MARCHF1: variants seen among roughly 807,000 people sequenced by gnomAD.
MARCHF1 encodes membrane associated ring-CH-type finger 1.
A neutral mutation model predicts 54.2 loss-of-function variants in MARCHF1; 40 were observed. The observed-to-expected ratio is 0.74, with a 90% CI of 0.57 to 0.96. The LOEUF (loss-of-function observed/expected upper bound fraction) is 0.96, where lower values mean the gene tolerates loss of function less well. Ranked by LOEUF, MARCHF1 falls within the 40% of genes least tolerant of loss-of-function variation. The probability of loss-of-function intolerance (pLI) is 0.00; values close to 1 mark genes in which losing one functional copy is unlikely to be tolerated. For missense variants in MARCHF1, 586 were observed against 656.5 expected (o/e 0.89, Z 1.17); for synonymous variants, 236 against 236.3 (o/e 1.00, Z 0.01).
At chr4:164,008,110 C>T (rs926343060) in intron 2 of MARCHF1, among the ~76,000 whole-genome samples, 4 of 152,116 alleles carry the variant, frequency 2.6e-5, no homozygotes, top group South Asian at 2.1e-4. Flanking sequence ...TATAAAGATG[C>T]ATATAGGCTG....
chr4:164,186,140 G>A (rs1036097350), intron 1 of MARCHF1, among the ~76,000 whole-genome samples: 4 of 152,234 alleles, frequency 2.6e-5, no homozygotes, highest in African/African-American at 7.2e-5. Context: ...TGATCTGCCC[G>A]CCTCAGCCTC....
At chr4:164,105,919 GA>G (rs1196668707) in intron 2 of MARCHF1, among the ~76,000 whole-genome samples, 2 of 146,812 alleles carry the variant, frequency 1.4e-5, no homozygotes, top group Admixed American at 6.8e-5. Context: ...AAATTTACAA[GA>G]AAAAAACAAA....
At chr4:164,278,985 T>C (rs1040412048) in intron 1 of MARCHF1, among the ~76,000 whole-genome samples, 4 of 152,128 alleles carry the variant, frequency 2.6e-5, no homozygotes, top group African/African-American at 9.7e-5. Context: ...AATTTATTAG[T>C]TAGGCTCATT....
intron 2 of MARCHF1, among the ~76,000 whole-genome samples, chr4:164,084,403 G>T (rs1202018321): frequency 1.3e-5 from 2 of 151,766 alleles, no homozygotes; most frequent in Admixed American, 6.6e-5. Context: ...TGTTTTAAAT[G>T]AGGTATATTT....
At chr4:164,020,616 C>T (rs1212895776) in intron 2 of MARCHF1, among the ~76,000 whole-genome samples, 1 of 152,176 alleles carries the variant, frequency 6.6e-6, no homozygotes, top group Non-Finnish European at 1.5e-5. Flanking sequence ...GAGTGAAATA[C>T]CTGGACGTTC....
Position 163,545,644 on chromosome 4 carries a change from C to T in MARCHF1, c.1291G>A (p.Val431Ile). ...AITCVVWSLY[V>I]LIDRTAEEIK... The stretch of plus-strand genomic sequence containing the variant: ...TCCTCCGCTGTCCGGTCTATCAATA[C>T]ATACAAAGACCAAACCACACAGGTG... The change falls in exon 9 of 10, where the codon GTA (valine) becomes ATA (isoleucine). Residue 431 changes from valine to isoleucine, a missense_variant. By Grantham distance (29) the Val-to-Ile change is conservative. This residue lies in a region of MARCHF1 where 93 missense variants were observed against 168.2 expected (regional missense o/e 0.55). Coordinates refer to ENST00000514618, the MANE Select transcript of MARCHF1 (RefSeq NM_001394959.1). The T allele has an allele frequency of 6.2e-7, 1 of 1,613,976 alleles. No homozygotes were observed. The highest frequency in any genetic ancestry group is 8.5e-7 in the Non-Finnish European group (1 of 1,179,922).
intron 3 of MARCHF1, among the ~76,000 whole-genome samples, chr4:163,984,238 G>GA (rs1312023173): frequency 2.0e-5 from 3 of 151,976 alleles, no homozygotes; most frequent in East Asian, 1.9e-4. Flanking sequence ...ATTCTTTTTG[G>GA]AAAAAAATGT....
intron 1 of MARCHF1, among the ~76,000 whole-genome samples, chr4:164,187,505 G>T (rs555373611): frequency 6.6e-6 from 1 of 152,192 alleles, no homozygotes; most frequent in Non-Finnish European, 1.5e-5. Context: ...ATAGGACCTG[G>T]GGGGATGGGG....
intron 5 of MARCHF1, among the ~76,000 whole-genome samples, chr4:163,615,487 CA>C (rs1260719742): frequency 1.3e-5 from 2 of 151,326 alleles, no homozygotes; most frequent in African/African-American, 4.9e-5. Context: ...TAATGATGAC[CA>C]AAAAAACCCC....
At chr4:164,092,572 T>C (rs1755327753) in intron 2 of MARCHF1, among the ~76,000 whole-genome samples, 1 of 152,176 alleles carries the variant, frequency 6.6e-6, no homozygotes, top group African/African-American at 2.4e-5. Flanking sequence ...TAGTGGAAGT[T>C]GTTCCTCTCT....
In MARCHF1 at chr4:164,314,527, T is replaced by C. The variant is rs191487568; in HGVS notation, c.-323+69343A>G. Among the ~76,000 whole-genome samples, 12 of 152,300 alleles carry C rather than the reference T, an allele frequency of 7.9e-5. No individual in the cohort carries two copies. In the East Asian group the frequency reaches 2.3e-3, roughly 29 times the overall value. On this transcript the variant is annotated intron_variant, in intron 1 of 9. Coordinates refer to ENST00000514618, the MANE Select transcript of MARCHF1 (RefSeq NM_001394959.1). Reference sequence around the variant, plus strand: ...TTACCACAGGCAATGTGAGTTTTACTGGTCAGTACTCACGCAGGCATACAC... The same window carrying C: ...TTACCACAGGCAATGTGAGTTTTACCGGTCAGTACTCACGCAGGCATACAC...
At chr4:163,735,637 G>A (rs1450095130) in intron 4 of MARCHF1, among the ~76,000 whole-genome samples, 1 of 152,140 alleles carries the variant, frequency 6.6e-6, no homozygotes, top group Non-Finnish European at 1.5e-5. Context: ...TAATAAGGGA[G>A]AAGCCCTTAT....
chr4:163,709,151 A>G (rs1190679672), intron 4 of MARCHF1, among the ~76,000 whole-genome samples: 1 of 152,180 alleles, frequency 6.6e-6, no homozygotes, highest in Non-Finnish European at 1.5e-5. Context: ...TGTTAATCCA[A>G]TCTTGGCTAT....
At chr4:163,557,067 G>A (rs1739317585) in intron 8 of MARCHF1, among the ~76,000 whole-genome samples, 1 of 152,066 alleles carries the variant, frequency 6.6e-6, no homozygotes, top group Non-Finnish European at 1.5e-5. Context: ...CCCTTGAATT[G>A]ATTTAATAGC....
intron 1 of MARCHF1, among the ~76,000 whole-genome samples, chr4:164,192,829 T>C (rs2111054309): frequency 6.6e-6 from 1 of 152,324 alleles, no homozygotes; most frequent in African/African-American, 2.4e-5. Context: ...TACTAGGAAC[T>C]TGCAGCTGCT....
chr4:164,325,773 C>T (rs766183410), intron 1 of MARCHF1, among the ~76,000 whole-genome samples: 1 of 151,608 alleles, frequency 6.6e-6, no homozygotes, highest in East Asian at 2.0e-4. Flanking sequence ...GAAAGAAAAC[C>T]TAAATTGTAT....
At chr4:163,637,884 A>G (rs894236937) in intron 5 of MARCHF1, among the ~76,000 whole-genome samples, 4 of 151,332 alleles carry the variant, frequency 2.6e-5, no homozygotes, top group Non-Finnish European at 5.9e-5. Flanking sequence ...AAAATGTGGC[A>G]CATATACACC....
chr4:163,652,186 A>G (rs564584785), intron 5 of MARCHF1, among the ~76,000 whole-genome samples: 1 of 151,912 alleles, frequency 6.6e-6, no homozygotes, highest in Middle Eastern at 3.4e-3. Context: ...AGTTGCTCCC[A>G]TAATATTCTG....
intron 2 of MARCHF1, among the ~76,000 whole-genome samples, chr4:163,990,659 G>A (rs191462391): frequency 2.9e-4 from 44 of 152,174 alleles, no homozygotes; most frequent in Admixed American, 2.6e-3. Flanking sequence ...GTAGCTTAAT[G>A]TTCACATCTG....
Sources: allele counts gnomAD v4.1 joint callset (sites outside exome capture counted in the v4.1 genomes callset), GRCh38; gene constraint gnomAD v4.1.1; regional missense constraint gnomAD v4.1.1; transcripts MANE v1.5; gene names NCBI Gene and HGNC (gene_info 2026-07-23, HGNC 2026-07-21).